The following CCDC178 variants were observed in gnomAD, a reference collection of about 807,000 sequenced individuals.
CCDC178 encodes the protein coiled-coil domain-containing protein 178.
CCDC178 carries 126 observed loss-of-function variants against 117.4 expected under a neutral mutation model. The ratio of observed to expected loss-of-function variants is 1.07; its 90% CI spans 0.93 to 1.24. CCDC178 has a LOEUF of 1.24. Among genes scored for constraint, CCDC178 ranks in the 50% most tolerant of loss-of-function variants. The pLI is 0.00. For missense variants in CCDC178, 1,030 were observed against 986.9 expected (o/e 1.04, Z -0.59); for synonymous variants, 283 against 313.4 (o/e 0.90, Z 1.02).
intron 20 of CCDC178, among the ~76,000 whole-genome samples, chr18:33,179,078 A>AAAAATATATATAT (rs71159804): frequency 1.8e-5 from 1 of 55,822 alleles, no homozygotes; most frequent in Non-Finnish European, 2.9e-5. Context: ...AAAAAAAAAA[A>AAAAATATATATAT]ATATATATAT....
chr18:33,335,353 A>G (rs1568156311), intron 9 of CCDC178, among the ~76,000 whole-genome samples: 1 of 152,024 alleles, frequency 6.6e-6, no homozygotes, highest in African/African-American at 2.4e-5. Flanking sequence ...ATTTTCTGAT[A>G]CATGCAATGT....
intron 20 of CCDC178, among the ~76,000 whole-genome samples, chr18:33,124,273 G>A (rs2057974350): frequency 6.6e-6 from 1 of 152,164 alleles, no homozygotes; most frequent in South Asian, 2.1e-4. Context: ...TACAGCAACA[G>A]CCTTGGAACA....
chr18:33,221,023 G>A (rs2059226953), intron 18 of CCDC178, among the ~76,000 whole-genome samples: 1 of 152,032 alleles, frequency 6.6e-6, no homozygotes, highest in Non-Finnish European at 1.5e-5. Flanking sequence ...GCTGTTTACT[G>A]TTATGAAGTC....
At chr18:33,037,618 G>A (rs2056469226) in intron 21 of CCDC178, among the ~76,000 whole-genome samples, 1 of 151,916 alleles carries the variant, frequency 6.6e-6, no homozygotes, top group African/African-American at 2.4e-5. Flanking sequence ...GAATGTAGAT[G>A]CTTTTCTTCT....
chr18:33,417,584 G>A (rs1009593527), intron 2 of CCDC178, among the ~76,000 whole-genome samples: 7 of 151,280 alleles, frequency 4.6e-5, no homozygotes, highest in Non-Finnish European at 8.8e-5. Context: ...AAGTATTACC[G>A]CTGAAATCTG....
intron 21 of CCDC178, among the ~76,000 whole-genome samples, chr18:33,077,204 A>T (rs2145018864): frequency 6.6e-6 from 1 of 152,344 alleles, no homozygotes; most frequent in Middle Eastern, 3.4e-3. Context: ...ATAGTAAAGA[A>T]AAATAATAAA....
At chr18:33,176,433 G>C (rs1307606773) in intron 20 of CCDC178, among the ~76,000 whole-genome samples, 2 of 151,794 alleles carry the variant, frequency 1.3e-5, no homozygotes, top group Non-Finnish European at 2.9e-5. Flanking sequence ...TGATTTATTT[G>C]CTGGGCCCAT....
chr18:33,337,113 C>T (rs2062751079), intron 9 of CCDC178, among the ~76,000 whole-genome samples: 1 of 148,612 alleles, frequency 6.7e-6, no homozygotes, highest in East Asian at 2.0e-4. Flanking sequence ...AGGTCTTTCA[C>T]ATCCTTAGGT....
At chr18:33,186,697 C>T (rs2058798807) in intron 20 of CCDC178, among the ~76,000 whole-genome samples, 1 of 151,964 alleles carries the variant, frequency 6.6e-6, no homozygotes, top group Non-Finnish European at 1.5e-5. Flanking sequence ...TAAAGGATTG[C>T]CCAGAGACCA....
At chr18:33,123,480 G>A (rs2057963312) in intron 20 of CCDC178, among the ~76,000 whole-genome samples, 6 of 152,020 alleles carry the variant, frequency 3.9e-5, no homozygotes, top group Admixed American at 3.3e-4. Flanking sequence ...AAACCACCAT[G>A]CTCTAACCAC....
chr18:33,115,751 C>T (rs942013596), intron 20 of CCDC178, among the ~76,000 whole-genome samples: 2 of 151,956 alleles, frequency 1.3e-5, no homozygotes, highest in African/African-American at 4.8e-5. Context: ...CTATAGACCC[C>T]AGATGTGCTC....
At chr18:33,168,071 G>A (rs2058554819) in intron 20 of CCDC178, among the ~76,000 whole-genome samples, 1 of 152,080 alleles carries the variant, frequency 6.6e-6, no homozygotes, top group Non-Finnish European at 1.5e-5. Flanking sequence ...CTTTTGTGCA[G>A]AATATCCTTA....
intron 19 of CCDC178, 73 bp from the exon 20 acceptor site, chr18:33,212,128 T>A (rs1599006596): frequency 8.3e-7 from 1 of 1,201,724 alleles, no homozygotes; most frequent in East Asian, 2.6e-5. Flanking sequence ...ATGAGACATT[T>A]TAAAAGGACC....
At chr18:33,137,995 G>A (rs557965392) in intron 20 of CCDC178, among the ~76,000 whole-genome samples, 21 of 152,202 alleles carry the variant, frequency 1.4e-4, no homozygotes, top group Admixed American at 6.5e-4. Flanking sequence ...TATGCAAGTC[G>A]CTTAATCTCA....
chr18:33,202,880 T>C (rs745616175), intron 20 of CCDC178, among the ~76,000 whole-genome samples: 1 of 152,226 alleles, frequency 6.6e-6, no homozygotes, highest in Non-Finnish European at 1.5e-5. Context: ...ACATTACTAA[T>C]ATAAAAGCAC....
chr18:32,952,074 C>T (rs2144627951), intron 22 of CCDC178, among the ~76,000 whole-genome samples: 1 of 152,214 alleles, frequency 6.6e-6, no homozygotes, highest in East Asian at 1.9e-4. Flanking sequence ...CCCCCCCTCC[C>T]AGCTGCTTTC....
At chr18:33,393,969 A>G (rs1041401500) in intron 4 of CCDC178, among the ~76,000 whole-genome samples, 114 of 152,044 alleles carry the variant, frequency 7.5e-4, no homozygotes, top group African/African-American at 2.8e-3. Flanking sequence ...ACCATACTTC[A>G]AATTCAACTT....
chr18:33,102,158 AT>A (rs993723295), intron 20 of CCDC178, among the ~76,000 whole-genome samples: 1 of 151,754 alleles, frequency 6.6e-6, no homozygotes, highest in Non-Finnish European at 1.5e-5. Context: ...ATTTAAAAAA[AT>A]TTTTCTACAT....
At chr18:33,028,268 A>C (rs1312541233) in intron 21 of CCDC178, among the ~76,000 whole-genome samples, 1 of 151,830 alleles carries the variant, frequency 6.6e-6, no homozygotes, top group Non-Finnish European at 1.5e-5. Flanking sequence ...GAGATAAGGC[A>C]CAAACTATCA....
Sources: gnomAD v4.1 joint callset for allele counts (sites outside exome capture counted in the v4.1 genomes callset) on GRCh38, gnomAD v4.1.1 for gene constraint, MANE v1.5 for transcripts, NCBI Gene and HGNC (gene_info 2026-07-23, HGNC 2026-07-21) for gene names.